The following RUVBL1 variants were observed in gnomAD, a reference collection of about 807,000 sequenced individuals.
The protein encoded by RUVBL1 is RuvB like AAA ATPase 1.
A neutral mutation model predicts 52.4 loss-of-function variants in RUVBL1; 4 were observed. That is an observed-to-expected ratio of 0.08 (90% CI 0.04 to 0.17). RUVBL1 has a LOEUF of 0.17. Ranked by LOEUF, RUVBL1 falls within the 10% of genes least tolerant of loss-of-function variation. RUVBL1 has a pLI of 1.00. For synonymous variants in RUVBL1, 217 were observed against 214.4 expected (o/e 1.01, Z -0.10); for missense variants, 298 against 572.8 (o/e 0.52, Z 4.90).
chr3:128,153,677 C>T (rs1291488037), exon 1 of RUVBL1: 3 of 1,595,334 alleles, frequency 1.9e-6, no homozygotes, highest in South Asian at 1.1e-5. Context: ...TCGTGCTTCT[C>T]GGTGCCGCTG....
At chr3:128,123,421 G>A (rs1329129653) in intron 1 of RUVBL1, among the ~76,000 whole-genome samples, 163 bp downstream of exon 1, 1 of 152,150 alleles carries the variant, frequency 6.6e-6, no homozygotes, top group African/African-American at 2.4e-5. Context: ...CAGCTCCAGG[G>A]CGGCGCCCCT....
chr3:128,126,201 T>TTG (rs10576695), upstream of RUVBL1, among the ~76,000 whole-genome samples: 5,657 of 147,546 alleles, frequency 0.038, 118 homozygotes, highest in Middle Eastern at 0.092. Flanking sequence ...AGTTGTTCCT[T>TTG]TGTGTGTGTG....
At chr3:128,124,705 C>T (rs1943755304), upstream of RUVBL1, among the ~76,000 whole-genome samples, 1 of 152,188 alleles carries the variant, frequency 6.6e-6, no homozygotes, top group South Asian at 2.1e-4. Flanking sequence ...GCTTAGAAAA[C>T]TTGCAACGTG....
At chr3:128,098,852 C>G in intron 7 of RUVBL1, 30 bp downstream of exon 7, 1 of 1,606,970 alleles carries the variant, frequency 6.2e-7, no homozygotes, top group Non-Finnish European at 8.5e-7. Flanking sequence ...CGCCCTGCCC[C>G]TTGCTCACAG....
intron 1 of RUVBL1, among the ~76,000 whole-genome samples, chr3:128,152,977 T>TCCCCCCGCCCACCCCGCC (rs1299304182): frequency 6.4e-5 from 1 of 15,524 alleles, no homozygotes; most frequent in African/African-American, 3.6e-4. Flanking sequence ...GCCCCCGTCT[T>TCCCCCCGCCCACCCCGCC]CCCCCCGCCC....
intron 3 of RUVBL1, among the ~76,000 whole-genome samples, chr3:128,112,260 C>T (rs1485834678): frequency 6.6e-6 from 1 of 152,242 alleles, no homozygotes; most frequent in Admixed American, 6.5e-5. Context: ...GATCAAACTA[C>T]TTCTGCCACT....
At chr3:128,151,736 AG>A (rs1343110741) in intron 1 of RUVBL1, among the ~76,000 whole-genome samples, 4 of 152,186 alleles carry the variant, frequency 2.6e-5, no homozygotes, top group African/African-American at 9.7e-5. Flanking sequence ...ACTGGGGGTC[AG>A]GGTGTCCACA....
intron 9 of RUVBL1, among the ~76,000 whole-genome samples, chr3:128,087,453 G>C (rs1180728223): frequency 2.6e-5 from 4 of 152,224 alleles, no homozygotes; most frequent in African/African-American, 9.7e-5. Context: ...AGGGGGAACA[G>C]CAGAAAAGCG....
chr3:128,081,145 G>C lies in RUVBL1; in HGVS notation c.*105C>G. 1 of 1,162,614 alleles carries C rather than the reference G, an allele frequency of 8.6e-7. No individual in the cohort carries two copies. The highest frequency in any genetic ancestry group is 1.2e-6 in the Non-Finnish European group (1 of 809,446). 72.0% of individuals were successfully genotyped at this position (1,162,614 alleles called of 1,614,324 possible). On this transcript the variant is annotated 3_prime_UTR_variant, in exon 11 of 11. Coordinates refer to ENST00000322623, the MANE Select transcript of RUVBL1 (RefSeq NM_003707.3). The surrounding 1 kb of genome is among the most constrained non-coding windows in gnomAD (Gnocchi z 4.8). Reference sequence around the variant, plus strand: ...CTGAACTGACAGCGCTGCAGACCACGCCTGAGTGGGGACGGCAGCCCCAAG... The same window carrying C: ...CTGAACTGACAGCGCTGCAGACCACCCCTGAGTGGGGACGGCAGCCCCAAG...
At chr3:128,109,908 C>T (rs932558637) in intron 3 of RUVBL1, among the ~76,000 whole-genome samples, 43 of 148,902 alleles carry the variant, frequency 2.9e-4, no homozygotes, top group African/African-American at 9.9e-4. Flanking sequence ...CTCCACCTCC[C>T]GGGTTCAAGC....
intron 3 of RUVBL1, among the ~76,000 whole-genome samples, chr3:128,110,072 C>T (rs1208284043): frequency 6.6e-6 from 1 of 152,092 alleles, no homozygotes; most frequent in East Asian, 1.9e-4. Context: ...CGGCCTCGGC[C>T]TCCCAAAGTG....
chr3:128,079,689 GAGA>G (rs1441902850), downstream of RUVBL1, among the ~76,000 whole-genome samples: 1 of 152,232 alleles, frequency 6.6e-6, no homozygotes. Context: ...CAGGCCGAGG[GAGA>G]AGATTCACTC....
At chr3:128,153,699 G>T in exon 1 of RUVBL1, 1 of 1,589,022 alleles carries the variant, frequency 6.3e-7, no homozygotes, top group Non-Finnish European at 8.5e-7. Context: ...CCGCGCGCCT[G>T]CGGTCGTCTT....
At chr3:128,077,326 C>A (rs934154784), downstream of RUVBL1, among the ~76,000 whole-genome samples, 2 of 152,194 alleles carry the variant, frequency 1.3e-5, no homozygotes, top group Non-Finnish European at 2.9e-5. Flanking sequence ...CCCCCCTGCC[C>A]AGGCCTCCCT....
At chr3:128,150,787 T>C (rs1328175824) in intron 1 of RUVBL1, among the ~76,000 whole-genome samples, 2 of 84,470 alleles carry the variant, frequency 2.4e-5, no homozygotes, top group Non-Finnish European at 4.4e-5. Context: ...ATTCTATATA[T>C]ATTCTATATA....
intron 1 of RUVBL1, among the ~76,000 whole-genome samples, chr3:128,130,222 C>T (rs1416841985): frequency 2.7e-5 from 4 of 146,918 alleles, no homozygotes; most frequent in Non-Finnish European, 6.0e-5. Context: ...TTACTATTTA[C>T]TATACAGAAA....
intron 9 of RUVBL1, among the ~76,000 whole-genome samples, chr3:128,065,420 G>A (rs1189914605): frequency 1.2e-4 from 18 of 152,088 alleles, no homozygotes; most frequent in Admixed American, 1.0e-3. Flanking sequence ...TCTCGGAAAC[G>A]GCCTATCTTC....
chr3:128,091,687 C>G (rs1338305315), intron 8 of RUVBL1, among the ~76,000 whole-genome samples: 1 of 152,320 alleles, frequency 6.6e-6, no homozygotes, highest in East Asian at 1.9e-4. Flanking sequence ...CTTACAATAA[C>G]TGTGACACTG....
intron 2 of RUVBL1, among the ~76,000 whole-genome samples, chr3:128,116,165 C>G (rs1171679301): frequency 2.0e-5 from 3 of 151,238 alleles, no homozygotes; most frequent in Non-Finnish European, 2.9e-5. Context: ...AACAAACAAA[C>G]AAAAACATTA....
Sources: allele counts gnomAD v4.1 joint callset (sites outside exome capture counted in the v4.1 genomes callset), GRCh38; gene constraint gnomAD v4.1.1; non-coding constraint Gnocchi (gnomAD v3.1); transcripts MANE v1.5; gene names NCBI Gene and HGNC (gene_info 2026-07-23, HGNC 2026-07-21).